The following MAGI2 variants were observed in gnomAD, a reference collection of about 807,000 sequenced individuals.
The protein encoded by MAGI2 is membrane-associated guanylate kinase, WW and PDZ domain-containing protein 2.
A neutral mutation model predicts 133.3 loss-of-function variants in MAGI2; 35 were observed. That is an observed-to-expected ratio of 0.26 (90% CI 0.20 to 0.35). The LOEUF (loss-of-function observed/expected upper bound fraction) is 0.35, where lower values mean the gene tolerates loss of function less well. Among genes scored for constraint, MAGI2 ranks in the 10% least tolerant of loss-of-function variants. The probability of loss-of-function intolerance (pLI) is 1.00; values close to 1 mark genes in which losing one functional copy is unlikely to be tolerated. For missense variants in MAGI2, 1,636 were observed against 1,863.4 expected, an observed-to-expected ratio of 0.88 and a Z score of 2.25; for synonymous variants, 729 against 710.6, an observed-to-expected ratio of 1.03 and a Z score of -0.41.
intron 6 of MAGI2, among the ~76,000 whole-genome samples, chr7:78,406,230 T>C (rs1200240750): frequency 6.6e-6 from 1 of 152,028 alleles, no homozygotes; most frequent in Non-Finnish European, 1.5e-5. Context: ...GTCCATGACC[T>C]GTCCTCCGTC....
rs73144989 is a variant in MAGI2 at position 78,967,115 on chromosome 7, A to T, written c.418+39975T>A. Among the ~76,000 whole-genome samples, 142 of 151,406 alleles carry T rather than the reference A, an allele frequency of 9.4e-4. No individual in the cohort carries two copies. The Middle Eastern group carries it at 0.017, about 18-fold the overall frequency. On this transcript the variant is annotated intron_variant, in intron 2 of 21. Coordinates refer to ENST00000354212, the MANE Select transcript of MAGI2 (RefSeq NM_012301.4). Reference sequence around the variant, plus strand: ...ATCTTGCTGGTCTAACTTTTTTTTTAAATTTTCCTTAAAGACAAAATATTC... The same window carrying T: ...ATCTTGCTGGTCTAACTTTTTTTTTTAATTTTCCTTAAAGACAAAATATTC...
intron 5 of MAGI2, among the ~76,000 whole-genome samples, chr7:78,500,851 G>A (rs1168187178): frequency 6.6e-6 from 1 of 152,128 alleles, no homozygotes; most frequent in Admixed American, 6.5e-5. Flanking sequence ...CACTTTGTGA[G>A]GCCAGTGTGG....
intron 4 of MAGI2, among the ~76,000 whole-genome samples, chr7:78,502,653 T>C (rs1301785726): frequency 6.6e-6 from 1 of 152,218 alleles, no homozygotes; most frequent in African/African-American, 2.4e-5. Flanking sequence ...TTTTTTTGTA[T>C]AGTATATATA....
Position 78,936,196 on chromosome 7 carries a change from T to C in MAGI2, c.418+70894A>G, listed in dbSNP as rs567455756. ...GCAAATCTAAAGTAAATAGGAAAAA[T>C]GAATTTATAATAATAATGACAAAAA... On this transcript the variant is annotated intron_variant, in intron 2 of 21. Coordinates refer to ENST00000354212, the MANE Select transcript of MAGI2 (RefSeq NM_012301.4). Among the ~76,000 whole-genome samples, 4 of 151,820 alleles carry C rather than the reference T, an allele frequency of 2.6e-5. No individual in the cohort carries two copies. The South Asian group carries it at 8.3e-4, about 32-fold the overall frequency.
chr7:78,867,280 G>A (rs1794640403), intron 2 of MAGI2, among the ~76,000 whole-genome samples: 1 of 150,908 alleles, frequency 6.6e-6, no homozygotes, highest in African/African-American at 2.4e-5. Context: ...GTAAAGACTT[G>A]GAACCAACCC....
At chr7:79,071,697 C>T (rs572803963) in intron 1 of MAGI2, among the ~76,000 whole-genome samples, 23 of 151,866 alleles carry the variant, frequency 1.5e-4, no homozygotes, top group African/African-American at 2.4e-4. Context: ...CTGGCTGCCG[C>T]GGCCTTACGG....
chr7:79,243,722 T>C (rs948023270), intron 1 of MAGI2, among the ~76,000 whole-genome samples: 1 of 152,240 alleles, frequency 6.6e-6, no homozygotes, highest in African/African-American at 2.4e-5. Context: ...CTTTTACCTA[T>C]GGCTTTAATG....
chr7:78,687,776 C>G (rs966765618), intron 2 of MAGI2, among the ~76,000 whole-genome samples: 2 of 151,756 alleles, frequency 1.3e-5, no homozygotes, highest in African/African-American at 4.8e-5. Flanking sequence ...CAAGACCAGC[C>G]TGGTCAACAT....
intron 1 of MAGI2, among the ~76,000 whole-genome samples, chr7:79,247,772 AAT>A (rs1317721601): frequency 4.6e-5 from 7 of 152,316 alleles, no homozygotes; most frequent in Admixed American, 1.3e-4. Context: ...TTGTTTATGC[AAT>A]ATGTGTTAGG....
At chr7:78,730,898 G>C (rs1821308415) in intron 2 of MAGI2, among the ~76,000 whole-genome samples, 1 of 151,932 alleles carries the variant, frequency 6.6e-6, no homozygotes, top group South Asian at 2.1e-4. Flanking sequence ...TGAATCTTCT[G>C]AACAGCCAAA....
intron 20 of MAGI2, among the ~76,000 whole-genome samples, chr7:78,107,322 G>A (rs2150450347): frequency 6.6e-6 from 1 of 152,140 alleles, no homozygotes; most frequent in Non-Finnish European, 1.5e-5. Flanking sequence ...GATGGCTTTT[G>A]CCTACTCTAG....
chr7:78,079,305 C>T (rs1475846782), intron 20 of MAGI2, among the ~76,000 whole-genome samples: 1 of 152,186 alleles, frequency 6.6e-6, no homozygotes, highest in Admixed American at 6.5e-5. Context: ...ACCACAAAGA[C>T]TGCAGCCATA....
chr7:78,505,679 A>T (rs1351637460), intron 4 of MAGI2, among the ~76,000 whole-genome samples: 2 of 152,230 alleles, frequency 1.3e-5, no homozygotes, highest in African/African-American at 4.8e-5. Flanking sequence ...CAAGAGATAC[A>T]TTGATCCTTT....
chr7:79,007,707 A>G (rs11973622), intron 1 of MAGI2, among the ~76,000 whole-genome samples: 316 of 152,188 alleles, frequency 2.1e-3, no homozygotes, highest in African/African-American at 7.1e-3. Flanking sequence ...GAAGTCTGAA[A>G]AGATTTTTAA....
chr7:78,887,492 G>C (rs1584283876), intron 2 of MAGI2, among the ~76,000 whole-genome samples: 2 of 152,266 alleles, frequency 1.3e-5, no homozygotes, highest in Middle Eastern at 6.8e-3. Flanking sequence ...AGGTTCACTG[G>C]TATGGAGAAA....
chr7:79,400,588 C>T (rs1027778031), intron 1 of MAGI2, among the ~76,000 whole-genome samples: 1 of 152,122 alleles, frequency 6.6e-6, no homozygotes, highest in South Asian at 2.1e-4. Flanking sequence ...ATTAATATAG[C>T]ATTCCTTAAC....
intron 1 of MAGI2, among the ~76,000 whole-genome samples, chr7:79,328,333 C>T (rs1839843440): frequency 6.6e-6 from 1 of 152,044 alleles, no homozygotes; most frequent in Non-Finnish European, 1.5e-5. Flanking sequence ...GTCCAAAGAC[C>T]CATGGATGTC....
rs982801138 is a variant in MAGI2 at position 78,548,209 on chromosome 7, A to C, written c.539-26564T>G. Among the ~76,000 whole-genome samples, 55 of 152,364 alleles carry C rather than the reference A, an allele frequency of 3.6e-4. 1 individual carries two copies. Among genetic ancestry groups the C allele is most frequent in the African/African-American group, 1.3e-3 (54 of 41,590 alleles). On this transcript the variant is annotated intron_variant, in intron 3 of 21. Transcript: ENST00000354212. ...AGTTTTCAACATTTCTAACGTTGGA[A>C]AGTTCACAACATAATTAAACAACCT...
At position 78,599,282 on chromosome 7, in the gene MAGI2, A is replaced by G. The variant is rs114047246; in HGVS notation, c.538+27838T>C. Among the ~76,000 whole-genome samples, 1,072 of 152,284 alleles carry G rather than the reference A, an allele frequency of 7.0e-3. 15 individuals are homozygous for G. Among genetic ancestry groups the G allele is most frequent in the African/African-American group, 0.025 (1,024 of 41,552 alleles). On this transcript the variant is annotated intron_variant, in intron 3 of 21. Coordinates refer to ENST00000354212, the MANE Select transcript of MAGI2 (RefSeq NM_012301.4). ...AAAAGGCACATTTTCACCTTCATTA[A>G]AATTATTTCTGTGCCTCGTATTAAA... is the stretch of plus-strand genomic sequence containing the variant.
Sources: gnomAD v4.1 joint callset for allele counts (sites outside exome capture counted in the v4.1 genomes callset) on GRCh38, gnomAD v4.1.1 for gene constraint, MANE v1.5 for transcripts, NCBI Gene and HGNC (gene_info 2026-07-23, HGNC 2026-07-21) for gene names.